FLI1: variants seen among roughly 807,000 people sequenced by gnomAD.
FLI1 encodes the protein Friend leukemia integration 1 transcription factor.
In FLI1, 13 loss-of-function variants were observed where a neutral mutation model predicts 53.1. That is an observed-to-expected ratio of 0.24 (90% CI 0.16 to 0.39). The LOEUF (loss-of-function observed/expected upper bound fraction) is 0.39, where lower values mean the gene tolerates loss of function less well. Among genes scored for constraint, FLI1 ranks in the 10% least tolerant of loss-of-function variants. FLI1 has a pLI of 1.00. For synonymous variants in FLI1, 244 were observed against 236.7 expected (o/e 1.03, Z -0.28); for missense variants, 424 against 600.5 (o/e 0.71, Z 3.07).
chr11:128,798,915 T>G (rs1439201573), intron 5 of FLI1, among the ~76,000 whole-genome samples: 1 of 152,158 alleles, frequency 6.6e-6, no homozygotes, highest in Non-Finnish European at 1.5e-5. Flanking sequence ...GCAGACCACC[T>G]GTAGCCATCA....
At chr11:128,717,991 T>C (rs76126846) in intron 1 of FLI1, among the ~76,000 whole-genome samples, 2 of 152,330 alleles carry the variant, frequency 1.3e-5, no homozygotes, top group East Asian at 3.9e-4. Flanking sequence ...GGATGTTGTG[T>C]GTATAGGGAG....
intron 1 of FLI1, among the ~76,000 whole-genome samples, chr11:128,697,814 T>C (rs1479602798): frequency 6.6e-6 from 1 of 152,206 alleles, no homozygotes; most frequent in Non-Finnish European, 1.5e-5. Context: ...GCACTGTGTA[T>C]TGAGGATAAA....
intron 4 of FLI1, among the ~76,000 whole-genome samples, chr11:128,775,341 T>C (rs1941698501): frequency 6.6e-6 from 1 of 151,544 alleles, no homozygotes; most frequent in African/African-American, 2.4e-5. Flanking sequence ...AGCAAAAAAT[T>C]AAAATAATCG....
chr11:128,685,660 T>C (rs1472214643), upstream of FLI1, among the ~76,000 whole-genome samples: 1 of 127,334 alleles, frequency 7.9e-6, no homozygotes, highest in East Asian at 2.3e-4. Context: ...GCCCGAGGAA[T>C]ATACCTTGTC....
At chr11:128,698,619 G>A (rs1938187254) in intron 1 of FLI1, among the ~76,000 whole-genome samples, 1 of 152,124 alleles carries the variant, frequency 6.6e-6, no homozygotes, top group Non-Finnish European at 1.5e-5. Context: ...CCTTAGGCCA[G>A]TGTTCTTTCC....
chr11:128,784,545 G>T (rs1942028976), intron 5 of FLI1, among the ~76,000 whole-genome samples: 1 of 152,174 alleles, frequency 6.6e-6, no homozygotes, highest in African/African-American at 2.4e-5. Context: ...GTGCTTTGCA[G>T]GTGCATCTTT....
At chr11:128,750,792 G>C (rs1012102490) in intron 1 of FLI1, among the ~76,000 whole-genome samples, 2 of 152,186 alleles carry the variant, frequency 1.3e-5, no homozygotes, top group Non-Finnish European at 2.9e-5. Flanking sequence ...ACATTTGTAA[G>C]TATAACAAGA....
At chr11:128,744,110 G>A (rs1940267460) in intron 1 of FLI1, among the ~76,000 whole-genome samples, 1 of 152,228 alleles carries the variant, frequency 6.6e-6, no homozygotes, top group Non-Finnish European at 1.5e-5. Flanking sequence ...AGAAGGGAGA[G>A]CAAAGATGAC....
At chr11:128,743,594 C>A (rs1028578793) in intron 1 of FLI1, among the ~76,000 whole-genome samples, 2 of 152,036 alleles carry the variant, frequency 1.3e-5, no homozygotes, top group African/African-American at 4.8e-5. Flanking sequence ...GAGATTGAGC[C>A]TCCCTGCCCT....
chr11:128,812,264 C>T lies in FLI1; in HGVS notation c.*1276C>T, dbSNP rs1942955701. On this transcript the variant is annotated 3_prime_UTR_variant, in exon 9 of 9. Transcript: ENST00000527786. ...CTTGTGGAGAGGAGGGATTTTCCTGCTCTATATAAGCAACATATTTTTAGA... is the reference window on the plus strand; with the variant it reads ...CTTGTGGAGAGGAGGGATTTTCCTGTTCTATATAAGCAACATATTTTTAGA... The T allele has an allele frequency of 4.6e-6, 1 of 219,348 alleles. No individual in the cohort carries two copies. Among genetic ancestry groups the T allele is most frequent in the South Asian group, 1.8e-4 (1 of 5,418 alleles). 13.6% of individuals were successfully genotyped at this position (219,348 alleles called of 1,614,324 possible).
At chr11:128,805,219 G>T (rs1484499701) in intron 5 of FLI1, 147 bp from the exon 6 acceptor site, 2 of 548,280 alleles carry the variant, frequency 3.6e-6, no homozygotes, top group Admixed American at 3.6e-5. Flanking sequence ...AACCCCAGGG[G>T]GTGAGTACAC....
intron 4 of FLI1, among the ~76,000 whole-genome samples, chr11:128,780,239 C>T (rs1941866811): frequency 2.0e-5 from 3 of 152,214 alleles, no homozygotes; most frequent in Admixed American, 6.5e-5. Context: ...ATACCACCCC[C>T]GTCATCCCCC....
intron 4 of FLI1, among the ~76,000 whole-genome samples, chr11:128,777,080 G>A (rs1941750401): frequency 6.6e-6 from 1 of 152,142 alleles, no homozygotes; most frequent in Non-Finnish European, 1.5e-5. Flanking sequence ...TATCTCTCCC[G>A]GACACACCCC....
Position 128,811,171 on chromosome 11 carries a change from C to G in FLI1, c.*183C>G. ...TTTTAATGTTGGTAACTTTTGCTTC[C>G]TCTACCTGAACAAAGAGATGAATAA... is the stretch of plus-strand genomic sequence containing the variant. On this transcript the variant is annotated 3_prime_UTR_variant, in exon 9 of 9. Transcript: ENST00000527786. 1.6e-6 allele frequency: 1 copy of G among 610,256 alleles called. No homozygotes were observed. The highest frequency in any genetic ancestry group is 2.1e-5 in the South Asian group (1 of 47,734). The allele number at this position is 610,256 out of a possible 1,614,324, so 37.8% of individuals were successfully genotyped here.
At position 128,782,654 on chromosome 11, in the gene FLI1, C is replaced by T. The variant is rs550310726; in HGVS notation, c.655+631C>T. 1.8e-4 allele frequency among the ~76,000 whole-genome samples: 28 copies of T among 152,260 alleles called. No individual in the cohort carries two copies. In the South Asian group the frequency reaches 2.5e-3, roughly 14 times the overall value. On this transcript the variant is annotated intron_variant, in intron 5 of 8. Transcript: ENST00000527786. The stretch of plus-strand genomic sequence containing the variant: ...CAGAGGCTGCAATGAGCCGAGTTCG[C>T]GCCACTGCACTCCAGCCTGGGCGAC...
At chr11:128,694,956 G>C (rs1176245771) in intron 1 of FLI1, among the ~76,000 whole-genome samples, 1 of 152,114 alleles carries the variant, frequency 6.6e-6, no homozygotes, top group Non-Finnish European at 1.5e-5. Context: ...CCGCCTCTCC[G>C]GCGGGGAACC....
At chr11:128,751,833 T>TC (rs1940660518) in intron 1 of FLI1, among the ~76,000 whole-genome samples, 1 of 151,070 alleles carries the variant, frequency 6.6e-6, no homozygotes, top group East Asian at 1.9e-4. Context: ...TGGGTTTGTT[T>TC]TTTTTTTTTT....
chr11:128,744,001 C>A (rs1565478018), intron 1 of FLI1, among the ~76,000 whole-genome samples: 2 of 152,150 alleles, frequency 1.3e-5, no homozygotes, highest in Admixed American at 6.5e-5. Context: ...AATGGAGGGA[C>A]CAGCTGTGCA....
chr11:128,786,254 C>T (rs1054408652), intron 5 of FLI1, among the ~76,000 whole-genome samples: 2 of 152,154 alleles, frequency 1.3e-5, no homozygotes, highest in South Asian at 2.1e-4. Context: ...CTTGGAGACA[C>T]ACTGGGCGGT....
Sources: gnomAD v4.1 joint callset for allele counts (sites outside exome capture counted in the v4.1 genomes callset) on GRCh38, gnomAD v4.1.1 for gene constraint, MANE v1.5 for transcripts, NCBI Gene and HGNC (gene_info 2026-07-23, HGNC 2026-07-21) for gene names.